The following CNTN5 variants were observed in gnomAD, a reference collection of about 807,000 sequenced individuals.
CNTN5 encodes the protein contactin 5.
CNTN5 carries 77 observed loss-of-function variants against 129.1 expected under a neutral mutation model. The ratio of observed to expected loss-of-function variants is 0.60; its 90% CI spans 0.50 to 0.72. CNTN5 has a LOEUF of 0.72. Among genes scored for constraint, CNTN5 ranks in the 30% least tolerant of loss-of-function variants. CNTN5 has a pLI of 0.00. For missense variants in CNTN5, 1,478 were observed against 1,328.8 expected (o/e 1.11, Z -1.75); for synonymous variants, 509 against 465.6 (o/e 1.09, Z -1.20).
chr11:100,130,007 T>C (rs567911544), intron 13 of CNTN5, among the ~76,000 whole-genome samples: 1 of 152,226 alleles, frequency 6.6e-6, no homozygotes, highest in South Asian at 2.1e-4. Context: ...AAATCATACA[T>C]GGAAAATAAA....
intron 4 of CNTN5, among the ~76,000 whole-genome samples, chr11:99,836,458 C>A (rs1947310737): frequency 1.3e-5 from 2 of 152,080 alleles, no homozygotes; most frequent in African/African-American, 2.4e-5. Context: ...CATGTCCCTA[C>A]AAAGGACATA....
chr11:99,157,631 G>T (rs1157196136), intron 1 of CNTN5, among the ~76,000 whole-genome samples: 1 of 151,976 alleles, frequency 6.6e-6, no homozygotes, highest in Non-Finnish European at 1.5e-5. Flanking sequence ...GGACATTAAG[G>T]TTTGACACTC....
intron 9 of CNTN5, among the ~76,000 whole-genome samples, chr11:100,020,893 A>G (rs1941103925): frequency 6.6e-6 from 1 of 152,124 alleles, no homozygotes; most frequent in African/African-American, 2.4e-5. Flanking sequence ...ACTGAAAACT[A>G]TAAAATATTG....
chr11:100,131,168 A>C (rs1275585486), intron 13 of CNTN5, among the ~76,000 whole-genome samples: 1 of 152,100 alleles, frequency 6.6e-6, no homozygotes, highest in Non-Finnish European at 1.5e-5. Context: ...GTGTGGAATG[A>C]AATGAGTTGC....
chr11:99,989,593 T>G lies in CNTN5; in HGVS notation c.878-12441T>G, dbSNP rs758579122. 3.3e-5 allele frequency among the ~76,000 whole-genome samples: 5 copies of G among 152,312 alleles called. No individual in the cohort carries two copies. In the South Asian group the frequency reaches 1.0e-3, roughly 32 times the overall value. On this transcript the variant is annotated intron_variant, in intron 8 of 24. Coordinates refer to ENST00000524871, the MANE Select transcript of CNTN5 (RefSeq NM_014361.4). Reference sequence around the variant, plus strand: ...CCAAAAGCATTTTAAATTATGAACTTATTGTAAAATATTTGTTTCTGATTA... The same window carrying G: ...CCAAAAGCATTTTAAATTATGAACTGATTGTAAAATATTTGTTTCTGATTA...
chr11:100,330,930 C>T (rs932205270), intron 21 of CNTN5, among the ~76,000 whole-genome samples: 3 of 152,026 alleles, frequency 2.0e-5, no homozygotes, highest in Non-Finnish European at 4.4e-5. Context: ...AAACAAAAAA[C>T]AAGGTATTCA....
intron 9 of CNTN5, among the ~76,000 whole-genome samples, chr11:100,014,843 C>A (rs1182035783): frequency 6.6e-6 from 1 of 152,080 alleles, no homozygotes; most frequent in Non-Finnish European, 1.5e-5. Flanking sequence ...TTCTTCAATA[C>A]CTTGGTCCAC....
At chr11:99,743,731 C>T (rs1943956997) in intron 3 of CNTN5, among the ~76,000 whole-genome samples, 1 of 151,942 alleles carries the variant, frequency 6.6e-6, no homozygotes, top group South Asian at 2.1e-4. Context: ...TATTTAGAAG[C>T]CCATTGTAAA....
At chr11:100,324,479 G>A (rs1022350070) in intron 21 of CNTN5, among the ~76,000 whole-genome samples, 5 of 152,030 alleles carry the variant, frequency 3.3e-5, no homozygotes, top group African/African-American at 4.8e-5. Context: ...AAGGACTTGC[G>A]TTCCTCAAAT....
At chr11:100,166,613 A>ATGT (rs10693911) in intron 13 of CNTN5, among the ~76,000 whole-genome samples, 17,590 of 151,694 alleles carry the variant, frequency 0.12, 3,415 homozygotes, top group African/African-American at 0.4. Context: ...TTAAGAAGAA[A>ATGT]TGTTATAAGA....
At chr11:99,748,667 C>A (rs4754643) in intron 3 of CNTN5, among the ~76,000 whole-genome samples, 39,172 of 151,808 alleles carry the variant, frequency 0.26, 6,423 homozygotes, top group East Asian at 0.73. Flanking sequence ...GTCCCAGAGT[C>A]TGAAGGTCTG....
chr11:99,157,973 C>G (rs768316164), intron 1 of CNTN5, among the ~76,000 whole-genome samples: 7 of 152,064 alleles, frequency 4.6e-5, no homozygotes, highest in Non-Finnish European at 1.0e-4. Context: ...TTAGGGAAAG[C>G]TTTCTATGTA....
At chr11:99,102,553 G>T (rs759162225) in intron 1 of CNTN5, among the ~76,000 whole-genome samples, 2 of 152,106 alleles carry the variant, frequency 1.3e-5, no homozygotes, top group African/African-American at 2.4e-5. Context: ...CAGGCTCAAA[G>T]TTCCACAGAT....
At chr11:100,270,765 C>T (rs866277607) in intron 17 of CNTN5, among the ~76,000 whole-genome samples, 1 of 152,130 alleles carries the variant, frequency 6.6e-6, no homozygotes, top group South Asian at 2.1e-4. Context: ...TGAAAGAAAA[C>T]TGTTTAAATT....
chr11:99,780,812 A>T lies in CNTN5; in HGVS notation c.56-38732A>T, dbSNP rs76328280. ...AGGAACACACTGTGCCACACTGTCA[A>T]TAAATGAGTTTTAAAAGTGCAACTT... On this transcript the variant is annotated intron_variant, in intron 3 of 24. Transcript: ENST00000524871. 4.8e-3 allele frequency among the ~76,000 whole-genome samples: 731 copies of T among 152,220 alleles called. 9 individuals carry two copies. The highest frequency in any genetic ancestry group is 0.014 in the African/African-American group (588 of 41,564).
chr11:100,216,315 AT>A (rs1164525851), intron 15 of CNTN5, among the ~76,000 whole-genome samples: 1 of 152,206 alleles, frequency 6.6e-6, no homozygotes, highest in Non-Finnish European at 1.5e-5. Flanking sequence ...TAGCAGCAGA[AT>A]AAAATGTAAT....
chr11:99,689,552 A>C (rs902182501), intron 3 of CNTN5, among the ~76,000 whole-genome samples: 69 of 148,576 alleles, frequency 4.6e-4, no homozygotes, highest in African/African-American at 1.6e-3. Context: ...AAAAAAAAAA[A>C]GGCATTCCTT....
At chr11:99,840,671 G>A (rs10893978) in intron 4 of CNTN5, among the ~76,000 whole-genome samples, 103,120 of 151,940 alleles carry the variant, frequency 0.68, 34,999 homozygotes, top group East Asian at 0.72. Context: ...TTTATGAGAC[G>A]TTAACATTGT....
chr11:99,819,863 G>T, intron 4 of CNTN5, 98 bp downstream of exon 4: 1 of 697,456 alleles, frequency 1.4e-6, no homozygotes, highest in Non-Finnish European at 2.3e-6. Context: ...TCCAGTAGGA[G>T]AGAGTGATTG....
Sources: gnomAD v4.1 joint callset for allele counts (sites outside exome capture counted in the v4.1 genomes callset) on GRCh38, gnomAD v4.1.1 for gene constraint, MANE v1.5 for transcripts, NCBI Gene and HGNC (gene_info 2026-07-23, HGNC 2026-07-21) for gene names.